The following PLBD1 variants were observed in gnomAD, a reference collection of about 807,000 sequenced individuals.
The protein encoded by PLBD1 is phospholipase B domain containing 1, also known as lysosomal leucine aminopeptidase.
PLBD1 carries 60 observed loss-of-function variants against 63.0 expected under a neutral mutation model. That is an observed-to-expected ratio of 0.95 (90% confidence interval 0.77 to 1.18). PLBD1 has a LOEUF of 1.18. PLBD1 is among the 50% of genes most tolerant of loss of function. PLBD1 has a pLI of 0.00. For missense variants in PLBD1, 598 were observed against 677.9 expected (o/e 0.88, Z 1.31); for synonymous variants, 262 against 248.0 (o/e 1.06, Z -0.53).
intron 1 of PLBD1, among the ~76,000 whole-genome samples, chr12:14,562,681 C>A (rs1945750707): frequency 6.6e-6 from 1 of 152,086 alleles, no homozygotes; most frequent in South Asian, 2.1e-4. Flanking sequence ...AAGATTGTAA[C>A]ATATAAGTTG....
intron 4 of PLBD1, among the ~76,000 whole-genome samples, chr12:14,537,558 A>G (rs1945530498): frequency 6.6e-6 from 1 of 152,214 alleles, no homozygotes; most frequent in Non-Finnish European, 1.5e-5. Context: ...TTACTATAAG[A>G]CTAACTGACC....
intron 6 of PLBD1, among the ~76,000 whole-genome samples, chr12:14,525,566 A>G (rs1204792692): frequency 1.3e-5 from 2 of 152,112 alleles, no homozygotes; most frequent in Non-Finnish European, 2.9e-5. Flanking sequence ...ACAAACTTAA[A>G]ATACAATAAT....
At chr12:14,538,099 T>G (rs1377354358) in intron 4 of PLBD1, among the ~76,000 whole-genome samples, 1 of 152,110 alleles carries the variant, frequency 6.6e-6, no homozygotes, top group Non-Finnish European at 1.5e-5. Flanking sequence ...CACCTTGATT[T>G]TTTTTGTCTT....
chr12:14,540,360 T>C (rs1945562204), intron 4 of PLBD1, among the ~76,000 whole-genome samples: 1 of 151,862 alleles, frequency 6.6e-6, no homozygotes, highest in Non-Finnish European at 1.5e-5. Context: ...AGAATGTATA[T>C]GTGTTTGTGT....
At chr12:14,521,290 G>T (rs1014690115) in intron 6 of PLBD1, among the ~76,000 whole-genome samples, 1 of 152,104 alleles carries the variant, frequency 6.6e-6, no homozygotes, top group Admixed American at 6.5e-5. Flanking sequence ...ATCCTACCCA[G>T]CAGGAAGGCC....
At chr12:14,520,037 C>T (rs1461141915) in intron 6 of PLBD1, among the ~76,000 whole-genome samples, 1 of 152,168 alleles carries the variant, frequency 6.6e-6, no homozygotes, top group South Asian at 2.1e-4. Context: ...ACTAACTGTG[C>T]ATGAATGTGG....
chr12:14,512,319 T>C (rs902267708), intron 6 of PLBD1, among the ~76,000 whole-genome samples: 3 of 152,056 alleles, frequency 2.0e-5, no homozygotes, highest in African/African-American at 7.2e-5. Flanking sequence ...TGGCTAATTT[T>C]TGTATTTTTA....
chr12:14,538,843 C>A (rs12425888), intron 4 of PLBD1, among the ~76,000 whole-genome samples: 1 of 151,990 alleles, frequency 6.6e-6, no homozygotes, highest in African/African-American at 2.4e-5. Flanking sequence ...CTGGCTAACA[C>A]GGTGAAACCC....
At chr12:14,563,504 C>A (rs1945758321) in intron 1 of PLBD1, among the ~76,000 whole-genome samples, 1 of 140,824 alleles carries the variant, frequency 7.1e-6, no homozygotes, top group Non-Finnish European at 1.5e-5. Context: ...GGCAACAGAG[C>A]AAGACTCTGT....
At chr12:14,561,631 C>G (rs945021698) in intron 1 of PLBD1, among the ~76,000 whole-genome samples, 2 of 152,128 alleles carry the variant, frequency 1.3e-5, no homozygotes, top group Non-Finnish European at 2.9e-5. Context: ...CTCGGCTCAC[C>G]GCAACCTCCG....
intron 6 of PLBD1, among the ~76,000 whole-genome samples, chr12:14,512,253 A>G (rs1945304070): frequency 6.6e-6 from 1 of 151,590 alleles, no homozygotes; most frequent in African/African-American, 2.4e-5. Context: ...GGTTCAAGCA[A>G]TTCTTGTGCC....
intron 4 of PLBD1, among the ~76,000 whole-genome samples, chr12:14,538,951 A>G (rs920025465): frequency 2.0e-5 from 3 of 152,160 alleles, no homozygotes; most frequent in African/African-American, 4.8e-5. Flanking sequence ...GCTTGAGTCC[A>G]GGAGGCGGAG....
intron 2 of PLBD1, among the ~76,000 whole-genome samples, chr12:14,550,835 G>T (rs1388271159): frequency 1.3e-5 from 2 of 151,010 alleles, no homozygotes; most frequent in African/African-American, 4.9e-5. Context: ...CCGAGATCAC[G>T]CCATCGCACT....
chr12:14,542,358 TATTCAATC>T (rs1372437287), intron 2 of PLBD1, 67 bp from the exon 3 acceptor site: 2 of 1,267,736 alleles, frequency 1.6e-6, no homozygotes, highest in African/African-American at 3.0e-5. Context: ...CACAGTAAAT[TATTCAATC>T]ATTTGGCTAA....
intron 2 of PLBD1, among the ~76,000 whole-genome samples, chr12:14,549,876 C>T (rs530752015): frequency 6.6e-6 from 1 of 152,270 alleles, no homozygotes; most frequent in African/African-American, 2.4e-5. Flanking sequence ...CCATGTTGGC[C>T]AGGCTGTTCT....
intron 6 of PLBD1, among the ~76,000 whole-genome samples, chr12:14,513,135 A>G (rs914310931): frequency 3.3e-5 from 5 of 152,202 alleles, no homozygotes; most frequent in African/African-American, 1.2e-4. Context: ...TTAACTGACA[A>G]GTAAAAATTA....
In PLBD1 at chr12:14,506,929, G is replaced by A. The variant is rs564960561; in HGVS notation, c.1372+4C>T. 1.1e-5 allele frequency: 17 copies of A among 1,612,442 alleles called. No homozygotes were observed. Among genetic ancestry groups the A allele is most frequent in the South Asian group, 6.6e-5 (6 of 90,946 alleles). Reference sequence around the variant, plus strand: ...GAATGATTCTTGAGAAATATGCTACGTACTGTTGTATCGCATGATATATTT... The same window carrying A: ...GAATGATTCTTGAGAAATATGCTACATACTGTTGTATCGCATGATATATTT... On this transcript the variant is annotated splice_donor_region_variant and intron_variant, in intron 9 of 10. Transcript: ENST00000240617.
intron 2 of PLBD1, among the ~76,000 whole-genome samples, chr12:14,545,408 C>G (rs1022955437): frequency 1.3e-5 from 2 of 152,234 alleles, no homozygotes; most frequent in Non-Finnish European, 2.9e-5. Flanking sequence ...ACTTTGTTTT[C>G]TGTTCAATTT....
chr12:14,551,617 A>G (rs529835223), intron 2 of PLBD1, among the ~76,000 whole-genome samples: 1 of 152,338 alleles, frequency 6.6e-6, no homozygotes, highest in African/African-American at 2.4e-5. Flanking sequence ...AATCTCTGTG[A>G]GCTCTAACAA....
Sources: gnomAD v4.1 joint callset for allele counts (sites outside exome capture counted in the v4.1 genomes callset) on GRCh38, gnomAD v4.1.1 for gene constraint, MANE v1.5 for transcripts, NCBI Gene and HGNC (gene_info 2026-07-23, HGNC 2026-07-21) for gene names.